The following NAALADL2 variants were observed in gnomAD, a reference collection of about 807,000 sequenced individuals.
NAALADL2 encodes the protein inactive N-acetylated-alpha-linked acidic dipeptidase-like protein 2.
In NAALADL2, 76 loss-of-function variants were observed where a neutral mutation model predicts 87.2. The ratio of observed to expected loss-of-function variants is 0.87; its 90% CI spans 0.72 to 1.05. NAALADL2 has a LOEUF of 1.05. NAALADL2 is among the 50% of genes least tolerant of loss of function. The pLI is 0.00. For missense variants in NAALADL2, 1,089 were observed against 945.8 expected, an observed-to-expected ratio of 1.15 and a Z score of -1.99; for synonymous variants, 354 against 331.0, an observed-to-expected ratio of 1.07 and a Z score of -0.75.
intron 3 of NAALADL2, among the ~76,000 whole-genome samples, chr3:174,797,837 A>G (rs142370922): frequency 1.2e-3 from 181 of 152,110 alleles, no homozygotes; most frequent in Admixed American, 3.2e-3. Flanking sequence ...CATTTTTTTC[A>G]TGTATTATTT....
At chr3:174,505,796 C>T (rs1303688721) in intron 1 of NAALADL2, among the ~76,000 whole-genome samples, 3 of 152,092 alleles carry the variant, frequency 2.0e-5, no homozygotes, top group African/African-American at 7.2e-5. Flanking sequence ...TAGAAAATTT[C>T]CAAATTACTT....
At chr3:175,553,642 G>T (rs1374928797) in intron 9 of NAALADL2, among the ~76,000 whole-genome samples, 2 of 72,814 alleles carry the variant, frequency 2.7e-5, no homozygotes, top group East Asian at 7.5e-4. Flanking sequence ...TTCATTTTGG[G>T]AGAAATATTA....
intron 1 of NAALADL2, among the ~76,000 whole-genome samples, chr3:174,967,741 T>C (rs1743086384): frequency 1.3e-5 from 2 of 152,158 alleles, no homozygotes; most frequent in Admixed American, 1.3e-4. Flanking sequence ...AATTGAACAA[T>C]CAGATAACTG....
chr3:175,228,436 T>C (rs1169561001), intron 2 of NAALADL2, among the ~76,000 whole-genome samples: 1 of 151,760 alleles, frequency 6.6e-6, no homozygotes, highest in Non-Finnish European at 1.5e-5. Context: ...AACGCATATA[T>C]GCTGAATACA....
rs76820603 is a variant in NAALADL2 at position 174,578,116 on chromosome 3, C to T, written c.-115+27479C>T. On this transcript the variant is annotated intron_variant, in intron 2 of 3. Transcript: ENST00000434257. Reference sequence around the variant, plus strand: ...GAGAAAAAAGGTTTTAAAAAGTTAACGTATTATCACTGACCTGTGGAACAA... The same window carrying T: ...GAGAAAAAAGGTTTTAAAAAGTTAATGTATTATCACTGACCTGTGGAACAA... Among the ~76,000 whole-genome samples the T allele has an allele frequency of 4.3e-3, 649 of 152,000 alleles. 5 individuals carry two copies. Among genetic ancestry groups the T allele is most frequent in the African/African-American group, 0.015 (605 of 41,516 alleles).
chr3:175,796,404 A>T (rs968140464), intron 13 of NAALADL2, among the ~76,000 whole-genome samples: 5 of 152,156 alleles, frequency 3.3e-5, no homozygotes, highest in Admixed American at 2.6e-4. Flanking sequence ...TTTGTGCCTC[A>T]GTTGTCTGCA....
At chr3:175,325,367 T>C (rs1760577771) in intron 5 of NAALADL2, among the ~76,000 whole-genome samples, 2 of 152,228 alleles carry the variant, frequency 1.3e-5, no homozygotes, top group East Asian at 1.9e-4. Flanking sequence ...TAATAATCCA[T>C]GTAAATTTTC....
chr3:175,712,730 A>T (rs1740699313), intron 11 of NAALADL2, among the ~76,000 whole-genome samples: 1 of 152,170 alleles, frequency 6.6e-6, no homozygotes, highest in Admixed American at 6.6e-5. Flanking sequence ...CAAGACCTTG[A>T]TTTTGGACTT....
chr3:174,486,565 T>C (rs1173210345), intron 1 of NAALADL2, among the ~76,000 whole-genome samples: 3 of 152,120 alleles, frequency 2.0e-5, no homozygotes, highest in Admixed American at 2.0e-4. Context: ...TGTACCTGTC[T>C]TTCTCTCCGC....
chr3:174,901,338 A>G (rs1246162609), intron 1 of NAALADL2, among the ~76,000 whole-genome samples: 3 of 152,196 alleles, frequency 2.0e-5, no homozygotes, highest in African/African-American at 7.2e-5. Context: ...AGCTTGTGAG[A>G]AGTACATGAG....
chr3:174,721,984 A>G (rs993340040), intron 2 of NAALADL2, among the ~76,000 whole-genome samples: 36 of 152,208 alleles, frequency 2.4e-4, no homozygotes, highest in African/African-American at 8.7e-4. Flanking sequence ...AACAATCCTG[A>G]AAAATGGCAT....
intron 4 of NAALADL2, among the ~76,000 whole-genome samples, chr3:175,309,151 C>T (rs1449540720): frequency 6.6e-6 from 1 of 151,970 alleles, no homozygotes; most frequent in Non-Finnish European, 1.5e-5. Flanking sequence ...ATTTATTTCC[C>T]TGATTGGTAA....
intron 10 of NAALADL2, among the ~76,000 whole-genome samples, chr3:175,592,655 T>G (rs185710306): frequency 6.1e-5 from 9 of 147,550 alleles, no homozygotes; most frequent in Non-Finnish European, 1.0e-4. Context: ...AATCAAACAC[T>G]GCATATTCTC....
intron 3 of NAALADL2, among the ~76,000 whole-genome samples, chr3:174,836,752 T>G (rs1197993818): frequency 6.6e-6 from 1 of 151,088 alleles, no homozygotes; most frequent in African/African-American, 2.4e-5. Context: ...AGGGTAAATT[T>G]TATGTTATGT....
chr3:175,351,274 A>G (rs1244486040), intron 5 of NAALADL2, among the ~76,000 whole-genome samples: 1 of 152,084 alleles, frequency 6.6e-6, no homozygotes, highest in Non-Finnish European at 1.5e-5. Flanking sequence ...CAATAAAATA[A>G]ATACTCATGA....
At chr3:174,918,542 G>A (rs1734721434) in intron 1 of NAALADL2, among the ~76,000 whole-genome samples, 1 of 152,138 alleles carries the variant, frequency 6.6e-6, no homozygotes, top group African/African-American at 2.4e-5. Context: ...AGGTGATTGC[G>A]CTGATCAAGG....
chr3:174,497,893 A>G (rs1515588), intron 1 of NAALADL2, among the ~76,000 whole-genome samples: 65,278 of 151,546 alleles, frequency 0.43, 14,892 homozygotes, highest in East Asian at 0.88. Flanking sequence ...CTGATAAGTG[A>G]TATCTTTGGA....
chr3:175,564,937 T>A (rs1463855349), intron 9 of NAALADL2, among the ~76,000 whole-genome samples: 3 of 152,244 alleles, frequency 2.0e-5, no homozygotes, highest in African/African-American at 7.2e-5. Flanking sequence ...GTGACCAATA[T>A]CAAACCTGCT....
chr3:175,052,596 T>C (rs1162850851), intron 1 of NAALADL2, among the ~76,000 whole-genome samples: 2 of 152,222 alleles, frequency 1.3e-5, no homozygotes, highest in Non-Finnish European at 2.9e-5. Flanking sequence ...TAGCTGCTAA[T>C]CTGTCTGCAG....
Sources: gnomAD v4.1 joint callset for allele counts (sites outside exome capture counted in the v4.1 genomes callset) on GRCh38, gnomAD v4.1.1 for gene constraint, MANE v1.5 for transcripts, NCBI Gene and HGNC (gene_info 2026-07-23, HGNC 2026-07-21) for gene names.